The following DTX2 variants were observed in gnomAD, a reference collection of about 807,000 sequenced individuals.
DTX2 encodes the protein probable E3 ubiquitin-protein ligase DTX2.
DTX2 carries 29 observed loss-of-function variants against 55.3 expected under a neutral mutation model. The observed-to-expected ratio is 0.52, with a 90% CI of 0.39 to 0.71. DTX2 has a LOEUF of 0.71. Ranked by LOEUF, DTX2 falls within the 30% of genes least tolerant of loss-of-function variation. The probability of loss-of-function intolerance (pLI) is 0.00; values close to 1 mark genes in which losing one functional copy is unlikely to be tolerated. For synonymous variants in DTX2, 276 were observed against 340.4 expected (o/e 0.81, Z 2.08); for missense variants, 537 against 822.5 (o/e 0.65, Z 4.25).
intron 3 of DTX2, among the ~76,000 whole-genome samples, chr7:76,481,460 T>C (rs962823223): frequency 1.3e-5 from 2 of 152,156 alleles, no homozygotes; most frequent in Non-Finnish European, 2.9e-5. Context: ...GTGCTGGGAT[T>C]ACAAGCATGA....
Position 76,505,320 on chromosome 7 carries a change from C to G in DTX2, c.1642-54C>G, listed in dbSNP as rs765387474. ...TGCCAACCCGTGCCTGCTCACTGAG[C>G]CCCTCTCACTCTCCGTCCCCTCCTT... On this transcript the variant is annotated intron_variant, in intron 10 of 10. Coordinates refer to ENST00000430490, the MANE Select transcript of DTX2 (RefSeq NM_001102594.3). This position sits in a 1 kb window ranked among gnomAD's most constrained non-coding sequence, Gnocchi z 4.4. 8.5e-5 allele frequency: 123 copies of G among 1,440,400 alleles called. No homozygotes were observed. Among genetic ancestry groups the G allele is most frequent in the Non-Finnish European group, 1.1e-4 (112 of 1,053,608 alleles). The allele number at this position is 1,440,400 out of a possible 1,614,324, so 89.2% of individuals were successfully genotyped here.
intron 2 of DTX2, among the ~76,000 whole-genome samples, chr7:76,468,856 G>T: frequency 7.4e-6 from 1 of 135,284 alleles, no homozygotes. Context: ...TCCGCCTCCT[G>T]GGTTCAAGTG....
rs2116656929 is a variant in DTX2 at position 76,505,908 on chromosome 7, G to C, written c.*307G>C. 2 of 538,874 alleles carry C rather than the reference G, an allele frequency of 3.7e-6. No homozygotes were observed. The allele number at this position is 538,874 out of a possible 1,614,324, so 33.4% of individuals were successfully genotyped here. A position where few individuals can be genotyped will look rare whatever the true frequency, so the allele number is the denominator to read the frequency against. On this transcript the variant is annotated 3_prime_UTR_variant, in exon 11 of 11. Coordinates refer to ENST00000430490, the MANE Select transcript of DTX2 (RefSeq NM_001102594.3). The surrounding 1 kb of genome is among the most constrained non-coding windows in gnomAD (Gnocchi z 4.4). ...CGGGGCCTGGTGTGGGGCGAGTAGA[G>C]ACTTCCCCAGCCTGGACGGGCGTGG...
intron 2 of DTX2, among the ~76,000 whole-genome samples, chr7:76,468,305 C>T (rs1363410099): frequency 1.7e-4 from 26 of 151,198 alleles, no homozygotes; most frequent in Non-Finnish European, 2.5e-4. Context: ...AGGCAGAGCA[C>T]TCTCTCACTT....
At chr7:76,483,275 A>G in intron 4 of DTX2, 128 bp downstream of exon 4, 2 of 1,187,738 alleles carry the variant, frequency 1.7e-6, no homozygotes, top group Admixed American at 2.8e-5. Context: ...TCTCATTTGC[A>G]TGTGGCATGT....
At chr7:76,468,272 G>A (rs1207141682) in intron 2 of DTX2, among the ~76,000 whole-genome samples, 3 of 151,854 alleles carry the variant, frequency 2.0e-5, no homozygotes, top group Non-Finnish European at 4.4e-5. Flanking sequence ...AGGGCAGGGC[G>A]TGTTGTTGGC....
intron 3 of DTX2, among the ~76,000 whole-genome samples, chr7:76,481,406 C>T (rs1296216961): frequency 3.3e-5 from 5 of 152,060 alleles, no homozygotes; most frequent in Non-Finnish European, 7.4e-5. Context: ...AGGCTGGTGT[C>T]GAGCTCCTGA....
chr7:76,502,951 C>T (rs570431895), intron 8 of DTX2: 13 of 214,082 alleles, frequency 6.1e-5, no homozygotes, highest in East Asian at 1.2e-4. Context: ...CATGAAGAGC[C>T]GCGCCCAGAC....
chr7:76,490,995 CTTTTTTTT>C lies in DTX2; in HGVS notation c.909-1146_909-1139del, dbSNP rs773754831. Among the ~76,000 whole-genome samples, 91 of 63,376 alleles carry C rather than the reference CTTTTTTTT, an allele frequency of 1.4e-3. 2 individuals carry two copies. The highest frequency in any genetic ancestry group is 0.026 in the Middle Eastern group (2 of 78). 41.6% of individuals were successfully genotyped at this position (63,376 alleles called of 152,430 possible). On this transcript the variant is annotated intron_variant, in intron 4 of 10. Coordinates refer to ENST00000430490, the MANE Select transcript of DTX2 (RefSeq NM_001102594.3). ...TCTAAACAGGTGCTATGAGAACCTG[CTTTTTTTT>C]TTTTTTTTTTTGAGACTGAGTTTCT...
intron 2 of DTX2, chr7:76,474,782 G>T (rs1808358316): frequency 6.6e-6 from 1 of 151,936 alleles, no homozygotes; most frequent in African/African-American, 2.4e-5. Flanking sequence ...TGCCAGTGCA[G>T]ATCTTGTTCT....
At position 76,505,159 on chromosome 7, in the gene DTX2, C is replaced by T. The variant is rs1033870037; in HGVS notation, c.1642-215C>T. Among the ~76,000 whole-genome samples, 3 of 151,960 alleles carry T rather than the reference C, an allele frequency of 2.0e-5. No homozygotes were observed. The highest frequency in any genetic ancestry group is 7.2e-5 in the African/African-American group (3 of 41,382). ...CGGATGGCAGTGCCAGGCACTGAGG[C>T]GGGGTGGGCTGGAGCCCAGGTTCAT... On this transcript the variant is annotated intron_variant, in intron 10 of 10. Transcript: ENST00000430490. This position sits in a 1 kb window ranked among gnomAD's most constrained non-coding sequence, Gnocchi z 4.4.
At position 76,498,468 on chromosome 7, in the gene DTX2, G is replaced by A. The variant is rs1220318259; in HGVS notation, c.1150+991G>A. ...GTGGCACTCGGGTTTACCTGGGAAG[G>A]ACACGCTCTTGGTGGGTCGCCTGGC... On this transcript the variant is annotated intron_variant, in intron 6 of 10. Transcript: ENST00000430490. 2.0e-5 allele frequency among the ~76,000 whole-genome samples: 3 copies of A among 149,814 alleles called. No homozygotes were observed. The East Asian group carries it at 6.2e-4, about 31-fold the overall frequency.
chr7:76,505,605 C>G lies in DTX2; in HGVS notation c.*4C>G, dbSNP rs769059523. On this transcript the variant is annotated 3_prime_UTR_variant, in exon 11 of 11. Transcript: ENST00000430490. This position sits in a 1 kb window ranked among gnomAD's most constrained non-coding sequence, Gnocchi z 4.4. ...GGACTGCCTGGAGCAGCAGTGACCT[C>G]GCACCCCAGCACGCCCGCCTCTGGT... is the stretch of plus-strand genomic sequence containing the variant. 2 of 1,529,494 alleles carry G rather than the reference C, an allele frequency of 1.3e-6. No homozygotes were observed. Among genetic ancestry groups the G allele is most frequent in the South Asian group, 2.5e-5 (2 of 81,482 alleles). The allele number at this position is 1,529,494 out of a possible 1,614,324, so 94.7% of individuals were successfully genotyped here.
At chr7:76,468,421 A>C in intron 2 of DTX2, among the ~76,000 whole-genome samples, 4 of 118,278 alleles carry the variant, frequency 3.4e-5, no homozygotes, top group Admixed American at 9.4e-5. Flanking sequence ...CAAACGATGG[A>C]CCCTCAGCCA....
rs183146539 is a variant in DTX2 at position 76,490,197 on chromosome 7, G to A, written c.909-1956G>A. Among the ~76,000 whole-genome samples the A allele has an allele frequency of 3.7e-4, 31 of 84,336 alleles. 12 individuals carry two copies. The highest frequency in any genetic ancestry group is 1.5e-3 in the African/African-American group (27 of 17,550). The allele number at this position is 84,336 out of a possible 152,430, so 55.3% of individuals were successfully genotyped here. A position where few individuals can be genotyped will look rare whatever the true frequency, so the allele number is the denominator to read the frequency against. ...ATAAATTAGCTGGGTGTGGTGGCAC[G>A]CACCTGTAGTCCCAGCTACTCAGGA... On this transcript the variant is annotated intron_variant, in intron 4 of 10. Coordinates refer to ENST00000430490, the MANE Select transcript of DTX2 (RefSeq NM_001102594.3).
At chr7:76,491,181 A>G (rs530626548) in intron 4 of DTX2, among the ~76,000 whole-genome samples, 1 of 150,608 alleles carries the variant, frequency 6.6e-6, no homozygotes, top group Non-Finnish European at 1.5e-5. Flanking sequence ...TAGTTTTAGT[A>G]GAGACAGGAT....
chr7:76,505,527 C>G lies in DTX2; in HGVS notation c.1795C>G (p.Pro599Ala). 5.0e-6 allele frequency: 8 copies of G among 1,609,546 alleles called. No homozygotes were observed. The highest frequency in any genetic ancestry group is 6.8e-6 in the Non-Finnish European group (8 of 1,178,286). The change falls in exon 11 of 11, where the codon CCC (proline) becomes GCC (alanine). Residue 599 changes from proline to alanine, a missense_variant. Physicochemically the swap from Pro to Ala is conservative, Grantham distance 27 (BLOSUM62 -1). Coordinates refer to ENST00000430490, the MANE Select transcript of DTX2 (RefSeq NM_001102594.3). The surrounding 1 kb of genome is among the most constrained non-coding windows in gnomAD (Gnocchi z 4.4). ...CATTACGGGCCACGGCTATCCCGAC[C>G]CCAACTACCTGCAGAACGTGCTGGC... ...RNITGHGYPD[P>A]NYLQNVLAEL...
rs765845959 is a variant in DTX2, at chr7:76,483,034, C to A, written c.795C>A (p.Asn265Lys). Residue 265 changes from asparagine to lysine, a missense_variant, in exon 4 of 11, where the codon AAC becomes AAA. Coordinates refer to ENST00000430490, the MANE Select transcript of DTX2 (RefSeq NM_001102594.3). ...ARSAPRLNTT[N>K]AWGAAPPSLG... The stretch of plus-strand genomic sequence containing the variant: ...CTGCGCCCAGGCTGAACACCACCAA[C>A]GCCTGGGGCGCAGCTCCTCCTTCCC... 6 of 1,613,250 alleles carry A rather than the reference C, an allele frequency of 3.7e-6. No individual in the cohort carries two copies. Among genetic ancestry groups the A allele is most frequent in the Non-Finnish European group, 5.1e-6 (6 of 1,179,658 alleles).
In DTX2 at chr7:76,482,575, G is replaced by A; in HGVS notation, c.336G>A (p.Trp112Ter). 6.2e-7 allele frequency: 1 copy of A among 1,613,490 alleles called. No homozygotes were observed. The highest frequency in any genetic ancestry group is 8.5e-7 in the Non-Finnish European group (1 of 1,179,662). ...CAGCCCCTGGCCGAGGTGTCGTCTG[G>A]GAGTGGCTGAGCGACGATGGCTCCT... Reference protein sequence around the residue: ...QHSAPGRGVVWEWLSDDGSWT... With the variant: ...QHSAPGRGVV The change falls in exon 4 of 11, where the codon TGG (tryptophan) becomes TGA (stop). Residue 112 changes from tryptophan to a stop codon, truncating the protein, a stop_gained. Coordinates refer to ENST00000430490, the MANE Select transcript of DTX2 (RefSeq NM_001102594.3). LOFTEE classifies it high-confidence loss of function.
Sources: allele counts gnomAD v4.1 joint callset (sites outside exome capture counted in the v4.1 genomes callset), GRCh38; gene constraint gnomAD v4.1.1; non-coding constraint Gnocchi (gnomAD v3.1); transcripts MANE v1.5; gene names NCBI Gene and HGNC (gene_info 2026-07-23, HGNC 2026-07-21).